ST8SIA4: variants seen among roughly 807,000 people sequenced by gnomAD.
ST8SIA4 encodes the protein ST8 alpha-N-acetyl-neuraminide alpha-2,8-sialyltransferase 4.
In ST8SIA4, 15 loss-of-function variants were observed where a neutral mutation model predicts 33.9. That is an observed-to-expected ratio of 0.44 (90% CI 0.30 to 0.68). The LOEUF (loss-of-function observed/expected upper bound fraction) is 0.68. Among genes scored for constraint, ST8SIA4 ranks in the 30% least tolerant of loss-of-function variants. ST8SIA4 has a pLI of 0.10. For synonymous variants in ST8SIA4, 171 were observed against 151.2 expected, an observed-to-expected ratio of 1.13 and a Z score of -0.96; for missense variants, 321 against 428.0, an observed-to-expected ratio of 0.75 and a Z score of 2.21.
chr5:100,886,601 C>G lies in ST8SIA4; in HGVS notation c.246-1G>C. 6.2e-7 allele frequency: 1 copy of G among 1,610,654 alleles called. No homozygotes were observed. Among genetic ancestry groups the G allele is most frequent in the Non-Finnish European group, 8.5e-7 (1 of 1,177,106 alleles). On this transcript the variant is annotated splice_acceptor_variant, in intron 2 of 4. Transcript: ENST00000231461. LOFTEE classifies it high-confidence loss of function. ...ATCTAAGAAACGAAGTATGTTCTTC[C>G]TGTATTTGAAATACAAGCAAAGTTT...
At chr5:100,846,778 T>C (rs1463700806) in intron 4 of ST8SIA4, among the ~76,000 whole-genome samples, 1 of 152,094 alleles carries the variant, frequency 6.6e-6, no homozygotes. Context: ...TTAGTCTCAG[T>C]GAGAGATAAC....
chr5:100,810,262 TA>T lies in ST8SIA4; in HGVS notation c.*1584del, dbSNP rs1750788138. The T allele has an allele frequency of 6.6e-6, 1 of 152,220 alleles. No homozygotes were observed. Among genetic ancestry groups the T allele is most frequent in the South Asian group, 2.1e-4 (1 of 4,838 alleles). The allele number at this position is 152,220 out of a possible 1,614,324, so 9.4% of individuals were successfully genotyped here. ...TGAAGAACATATGTGATATTGTGAC[TA>T]AATTTAACTACAGAAAATATCGGTC... On this transcript the variant is annotated 3_prime_UTR_variant, in exon 5 of 5. Transcript: ENST00000231461.
At chr5:100,817,296 GC>G (rs1750948744) in intron 4 of ST8SIA4, among the ~76,000 whole-genome samples, 2 of 151,576 alleles carry the variant, frequency 1.3e-5, no homozygotes, top group Admixed American at 6.6e-5. Flanking sequence ...AGTAATCTTT[GC>G]AGGACATATC....
At chr5:100,883,118 G>C (rs895780297) in intron 3 of ST8SIA4, among the ~76,000 whole-genome samples, 2 of 152,190 alleles carry the variant, frequency 1.3e-5, no homozygotes, top group Non-Finnish European at 2.9e-5. Flanking sequence ...CGCACTCAAT[G>C]CTAGTGCGTG....
chr5:100,820,907 C>T (rs1178389497), intron 4 of ST8SIA4, among the ~76,000 whole-genome samples: 1 of 152,004 alleles, frequency 6.6e-6, no homozygotes, highest in Non-Finnish European at 1.5e-5. Flanking sequence ...AAATATGAAA[C>T]AGATGTCAAA....
chr5:100,825,815 C>G (rs554262960), intron 4 of ST8SIA4, among the ~76,000 whole-genome samples: 3 of 152,234 alleles, frequency 2.0e-5, no homozygotes, highest in African/African-American at 7.2e-5. Flanking sequence ...TTTACCTAAC[C>G]TGTAGCTTGT....
intron 4 of ST8SIA4, among the ~76,000 whole-genome samples, chr5:100,824,862 C>A (rs1232055493): frequency 6.8e-6 from 1 of 147,198 alleles, no homozygotes; most frequent in Non-Finnish European, 1.5e-5. Flanking sequence ...AGGTGTGAGA[C>A]CAGCCTGGGC....
intron 4 of ST8SIA4, among the ~76,000 whole-genome samples, chr5:100,852,278 C>T (rs1448712494): frequency 6.6e-6 from 1 of 151,782 alleles, no homozygotes; most frequent in Non-Finnish European, 1.5e-5. Context: ...TGTGCCACCA[C>T]ATCTGGCTCT....
At chr5:100,901,116 C>G (rs1287472587) in intron 1 of ST8SIA4, among the ~76,000 whole-genome samples, 1 of 152,266 alleles carries the variant, frequency 6.6e-6, no homozygotes, top group Non-Finnish European at 1.5e-5. Context: ...AGAAATGACA[C>G]CCGTGCAATG....
At chr5:100,875,037 T>C (rs1752276062) in intron 3 of ST8SIA4, among the ~76,000 whole-genome samples, 1 of 152,202 alleles carries the variant, frequency 6.6e-6, no homozygotes, top group Non-Finnish European at 1.5e-5. Context: ...AAAGATTCTA[T>C]CATTATTCCA....
At chr5:100,873,990 A>G (rs1045404835) in intron 3 of ST8SIA4, among the ~76,000 whole-genome samples, 4 of 152,182 alleles carry the variant, frequency 2.6e-5, no homozygotes, top group African/African-American at 4.8e-5. Context: ...AATTCAAAAC[A>G]ATTTTCACAA....
intron 3 of ST8SIA4, among the ~76,000 whole-genome samples, chr5:100,873,609 T>A (rs1752244806): frequency 6.6e-6 from 1 of 152,088 alleles, no homozygotes; most frequent in Non-Finnish European, 1.5e-5. Context: ...AGGGCCAGAT[T>A]TTCTTGTTAC....
intron 4 of ST8SIA4, among the ~76,000 whole-genome samples, chr5:100,854,694 G>T (rs926448243): frequency 1.3e-5 from 2 of 152,144 alleles, no homozygotes; most frequent in Non-Finnish European, 2.9e-5. Flanking sequence ...ACAGGAAATG[G>T]TAAATCCTTG....
chr5:100,815,863 A>G (rs1189641934), intron 4 of ST8SIA4, among the ~76,000 whole-genome samples: 1 of 152,186 alleles, frequency 6.6e-6, no homozygotes, highest in Non-Finnish European at 1.5e-5. Context: ...GTAATGCTGT[A>G]AAAGAGACAG....
intron 3 of ST8SIA4, among the ~76,000 whole-genome samples, chr5:100,872,225 A>T (rs1251762337): frequency 1.1e-4 from 17 of 152,114 alleles, no homozygotes; most frequent in Admixed American, 1.1e-3. Context: ...TATAATTGAC[A>T]CATAATAATC....
At chr5:100,882,635 C>T (rs1752450771) in intron 3 of ST8SIA4, among the ~76,000 whole-genome samples, 1 of 152,218 alleles carries the variant, frequency 6.6e-6, no homozygotes, top group Non-Finnish European at 1.5e-5. Flanking sequence ...CCATCACAGA[C>T]CTGGAGACCT....
chr5:100,862,449 A>T (rs993888716), intron 3 of ST8SIA4, among the ~76,000 whole-genome samples: 4 of 151,908 alleles, frequency 2.6e-5, no homozygotes, highest in Non-Finnish European at 4.4e-5. Flanking sequence ...CCCTGGCTGG[A>T]GTGCAGTGGC....
chr5:100,814,902 T>C (rs1435224412), intron 4 of ST8SIA4, among the ~76,000 whole-genome samples: 1 of 152,000 alleles, frequency 6.6e-6, no homozygotes, highest in South Asian at 2.1e-4. Context: ...TGAATGTATC[T>C]ACCTATACAC....
chr5:100,873,560 C>T (rs935788228), intron 3 of ST8SIA4, among the ~76,000 whole-genome samples: 1 of 152,068 alleles, frequency 6.6e-6, no homozygotes, highest in African/African-American at 2.4e-5. Flanking sequence ...TTAATCATTG[C>T]CTCCCTCAGA....
Sources: allele counts gnomAD v4.1 joint callset (sites outside exome capture counted in the v4.1 genomes callset), GRCh38; gene constraint gnomAD v4.1.1; transcripts MANE v1.5; gene names NCBI Gene and HGNC (gene_info 2026-07-23, HGNC 2026-07-21).